ANKRD22: variants seen among roughly 807,000 people sequenced by gnomAD.
ANKRD22 encodes the protein ankyrin repeat domain 22, also known as ankyrin repeat domain-containing protein 22.
In ANKRD22, 24 loss-of-function variants were observed where a neutral mutation model predicts 25.7. That is an observed-to-expected ratio of 0.93 (90% CI 0.68 to 1.31). The LOEUF is 1.31. ANKRD22 is among the 50% of genes most tolerant of loss of function. The probability of loss-of-function intolerance (pLI) is 0.00; values close to 1 mark genes in which losing one functional copy is unlikely to be tolerated. For synonymous variants in ANKRD22, 84 were observed against 84.3 expected (o/e 1.00, Z 0.02); for missense variants, 214 against 227.1 (o/e 0.94, Z 0.37).
intron 1 of ANKRD22, among the ~76,000 whole-genome samples, chr10:88,836,132 T>C (rs1256653088): frequency 2.0e-5 from 3 of 152,198 alleles, no homozygotes; most frequent in African/African-American, 7.2e-5. Context: ...ATCTCACGTG[T>C]TCCATATGCC....
At chr10:88,823,711 C>G (rs10887857) in intron 4 of ANKRD22, among the ~76,000 whole-genome samples, 46,189 of 151,072 alleles carry the variant, frequency 0.31, 8,198 homozygotes, top group East Asian at 0.44. Context: ...GCCTGTAGTC[C>G]CAGCTACTCC....
chr10:88,836,051 C>A (rs1237640240), intron 1 of ANKRD22, among the ~76,000 whole-genome samples: 1 of 152,160 alleles, frequency 6.6e-6, no homozygotes, highest in Non-Finnish European at 1.5e-5. Flanking sequence ...CCCTTCTGTC[C>A]ATCCTCACTG....
chr10:88,824,450 G>A (rs192288804), intron 4 of ANKRD22, among the ~76,000 whole-genome samples: 28 of 152,326 alleles, frequency 1.8e-4, no homozygotes, highest in Admixed American at 9.8e-4. Flanking sequence ...GTGGTGGCAT[G>A]ACAAATGGAA....
Position 88,820,451 on chromosome 10 carries a change from C to T in ANKRD22, c.*2490G>A. On this transcript the variant is annotated 3_prime_UTR_variant, in exon 6 of 6. Transcript: ENST00000371930. ...GTACAATGAAATCATCCATCTGATGCAGCAGGAGGAGACCAACCTTTCCCA... is the reference window on the plus strand; with the variant it reads ...GTACAATGAAATCATCCATCTGATGTAGCAGGAGGAGACCAACCTTTCCCA... The T allele has an allele frequency of 1.3e-6, 2 of 1,551,870 alleles. No individual in the cohort carries two copies. Among genetic ancestry groups the T allele is most frequent in the Non-Finnish European group, 1.7e-6 (2 of 1,147,016 alleles).
chr10:88,841,891 CT>C (rs1156512132), intron 1 of ANKRD22, among the ~76,000 whole-genome samples: 1 of 152,112 alleles, frequency 6.6e-6, no homozygotes, highest in Admixed American at 6.6e-5. Flanking sequence ...CTTGCATTCC[CT>C]CCAAAAAGCC....
At chr10:88,826,258 TCTCA>T (rs1311600471) in intron 3 of ANKRD22, 143 bp from the exon 4 acceptor site, 1 of 652,120 alleles carries the variant, frequency 1.5e-6, no homozygotes, top group Non-Finnish European at 2.6e-6. Context: ...TCCCCCAGCT[TCTCA>T]CTCACTCTAA....
intron 1 of ANKRD22, among the ~76,000 whole-genome samples, chr10:88,851,377 A>G (rs1470194026): frequency 6.6e-6 from 1 of 152,196 alleles, no homozygotes; most frequent in Non-Finnish European, 1.5e-5. Flanking sequence ...AGATCTAGCT[A>G]ATATTTTAGA....
At chr10:88,831,810 C>G (rs1301165162) in intron 2 of ANKRD22, 25 bp downstream of exon 2, 1 of 1,562,106 alleles carries the variant, frequency 6.4e-7, no homozygotes, top group East Asian at 2.3e-5. Flanking sequence ...AACAATTACA[C>G]TCTCCATTCA....
intron 1 of ANKRD22, among the ~76,000 whole-genome samples, chr10:88,833,114 G>A (rs1440027157): frequency 6.6e-6 from 1 of 152,170 alleles, no homozygotes; most frequent in Non-Finnish European, 1.5e-5. Flanking sequence ...TGAATCAGGA[G>A]AGGTTTGAGG....
intron 3 of ANKRD22, 75 bp downstream of exon 3, chr10:88,828,484 C>A (rs1336753396): frequency 9.0e-7 from 1 of 1,114,692 alleles, no homozygotes; most frequent in African/African-American, 1.6e-5. Context: ...CAACATCTCA[C>A]TGGCCTGGCA....
chr10:88,841,976 T>G (rs975771143), intron 1 of ANKRD22, among the ~76,000 whole-genome samples: 10 of 152,136 alleles, frequency 6.6e-5, no homozygotes, highest in African/African-American at 2.4e-4. Context: ...CCGTGCCTCA[T>G]TTTACCTTTT....
intron 4 of ANKRD22, among the ~76,000 whole-genome samples, chr10:88,825,005 TCTCTCTCACA>T (rs1349748506): frequency 0.031 from 2,825 of 92,256 alleles, 40 homozygotes; most frequent in Non-Finnish European, 0.052. Flanking sequence ...TCTCTCTCTC[TCTCTCTCACA>T]CACACACACA....
chr10:88,826,672 C>T (rs190141388), intron 3 of ANKRD22, among the ~76,000 whole-genome samples: 2 of 152,316 alleles, frequency 1.3e-5, no homozygotes, highest in Admixed American at 1.3e-4. Flanking sequence ...CTGGCATATT[C>T]ACCTTTCATT....
Position 88,851,572 on chromosome 10 carries a change from A to G in ANKRD22, c.21+15T>C. 6.2e-7 allele frequency: 1 copy of G among 1,613,264 alleles called. No homozygotes were observed. The highest frequency in any genetic ancestry group is 8.5e-7 in the Non-Finnish European group (1 of 1,179,400). On this transcript the variant is annotated intron_variant, in intron 1 of 5. Coordinates refer to ENST00000371930, the MANE Select transcript of ANKRD22 (RefSeq NM_144590.3). ...TTAACATCTTTGGAACTCTGCTTTC[A>G]GAAAGGTGATGTACCTCAGAGTATA...
intron 1 of ANKRD22, among the ~76,000 whole-genome samples, chr10:88,850,187 GA>G (rs1844090964): frequency 6.6e-6 from 1 of 151,780 alleles, no homozygotes; most frequent in South Asian, 2.1e-4. Flanking sequence ...TAATTTTAAA[GA>G]GTCTCAAACT....
rs181333307 is a variant in ANKRD22 at position 88,845,716 on chromosome 10, C to A, written c.21+5871G>T. On this transcript the variant is annotated intron_variant, in intron 1 of 5. Transcript: ENST00000371930. Reference sequence around the variant, plus strand: ...TCACCCATTAGTCTAATGCAACCATCATTATCACTCCATAAACTACTGTAA... The same window carrying A: ...TCACCCATTAGTCTAATGCAACCATAATTATCACTCCATAAACTACTGTAA... Among the ~76,000 whole-genome samples the A allele has an allele frequency of 3.9e-5, 6 of 152,244 alleles. No homozygotes were observed. In the East Asian group the frequency reaches 9.7e-4, roughly 25 times the overall value.
In ANKRD22 at chr10:88,851,731, G is replaced by T. The variant is rs568039515; in HGVS notation, c.-124C>A. ...CCCTAGAAGTCCAAGCTGGTGGCAAGCTCCAGGAGTGCTTTTCTAGCAAAC... is the reference window on the plus strand; with the variant it reads ...CCCTAGAAGTCCAAGCTGGTGGCAATCTCCAGGAGTGCTTTTCTAGCAAAC... On this transcript the variant is annotated 5_prime_UTR_variant, in exon 1 of 6. Transcript: ENST00000371930. 3 of 1,100,108 alleles carry T rather than the reference G, an allele frequency of 2.7e-6. No individual in the cohort carries two copies. Among genetic ancestry groups the T allele is most frequent in the East Asian group, 2.4e-5 (1 of 41,886 alleles). The allele number at this position is 1,100,108 out of a possible 1,614,324, so 68.1% of individuals were successfully genotyped here.
At chr10:88,832,386 CCTTTAT>C (rs1156700784) in intron 1 of ANKRD22, among the ~76,000 whole-genome samples, 3 of 151,604 alleles carry the variant, frequency 2.0e-5, no homozygotes, top group East Asian at 3.9e-4. Context: ...AGATAAAATA[CCTTTAT>C]CTTTATCTTT....
rs1446769229 is a variant in ANKRD22, at chr10:88,821,461, C to G, written c.*1480G>C. 6.6e-6 allele frequency among the ~76,000 whole-genome samples: 1 copy of G among 152,164 alleles called. No individual in the cohort carries two copies. Among genetic ancestry groups the G allele is most frequent in the Non-Finnish European group, 1.5e-5 (1 of 68,020 alleles). Reference sequence around the variant, plus strand: ...TTTTGCAAAATCTCTGAAACCAAATCAAAGGTTTGTGTGTGTCAAAAGTAT... The same window carrying G: ...TTTTGCAAAATCTCTGAAACCAAATGAAAGGTTTGTGTGTGTCAAAAGTAT... On this transcript the variant is annotated 3_prime_UTR_variant, in exon 6 of 6. Transcript: ENST00000371930.
Sources: allele counts gnomAD v4.1 joint callset (sites outside exome capture counted in the v4.1 genomes callset), GRCh38; gene constraint gnomAD v4.1.1; transcripts MANE v1.5; gene names NCBI Gene and HGNC (gene_info 2026-07-23, HGNC 2026-07-21).